Variants in NXN observed in about 807,000 individuals in gnomAD.
The protein encoded by NXN is nucleoredoxin.
Under a neutral mutation model 48.6 loss-of-function variants are expected in NXN, and 16 were observed. The ratio of observed to expected loss-of-function variants is 0.33; its 90% CI spans 0.22 to 0.50. NXN has a LOEUF of 0.50. NXN is among the 20% of genes least tolerant of loss of function. The pLI is 0.98. For synonymous variants in NXN, 281 were observed against 269.6 expected, an observed-to-expected ratio of 1.04 and a Z score of -0.41; for missense variants, 492 against 605.5, an observed-to-expected ratio of 0.81 and a Z score of 1.97.
intron 1 of NXN, among the ~76,000 whole-genome samples, chr17:967,048 C>T (rs999792809): frequency 1.3e-5 from 2 of 152,058 alleles, no homozygotes; most frequent in African/African-American, 2.4e-5. Flanking sequence ...CACACAGAGA[C>T]GGTGACCGTA....
chr17:812,614 G>A lies in NXN; in HGVS notation c.820+6825C>T, dbSNP rs555252627. 4.7e-5 allele frequency among the ~76,000 whole-genome samples: 7 copies of A among 149,372 alleles called. No homozygotes were observed. The East Asian group carries it at 1.2e-3, about 25-fold the overall frequency. ...GTGATGGCGCGAGTGTGCATTGTGTGAGTGTAGGTGAGTGTAGGTGTGTGT... is the reference window on the plus strand; with the variant it reads ...GTGATGGCGCGAGTGTGCATTGTGTAAGTGTAGGTGAGTGTAGGTGTGTGT... On this transcript the variant is annotated intron_variant, in intron 5 of 7. Transcript: ENST00000336868.
intron 1 of NXN, among the ~76,000 whole-genome samples, chr17:903,034 G>C (rs1445155216): frequency 2.7e-5 from 4 of 150,698 alleles, no homozygotes; most frequent in African/African-American, 9.8e-5. Flanking sequence ...GCCTCCCAAA[G>C]AGCTGGAATT....
chr17:852,504 G>A (rs1047961077), intron 1 of NXN, among the ~76,000 whole-genome samples: 10 of 152,152 alleles, frequency 6.6e-5, no homozygotes, highest in Non-Finnish European at 1.3e-4. Flanking sequence ...CCATACTGAC[G>A]TCCAGAAAAT....
chr17:848,699 A>G (rs1397572928), intron 1 of NXN, among the ~76,000 whole-genome samples: 1 of 152,200 alleles, frequency 6.6e-6, no homozygotes, highest in Non-Finnish European at 1.5e-5. Flanking sequence ...AATGCCTCCT[A>G]CTGAGAGACA....
intron 1 of NXN, 49 bp downstream of exon 1, chr17:979,270 T>TAACGGGCGTGGGGGGCGGGCAGGGGC (rs2069505975): frequency 1.1e-6 from 1 of 900,078 alleles, no homozygotes; most frequent in Non-Finnish European, 1.3e-6. Flanking sequence ...CGGGCAGGGG[T>TAACGGGCGTGGGGGGCGGGCAGGGGC]AACGGGCGTG....
At chr17:872,032 G>C (rs1320124094) in intron 1 of NXN, among the ~76,000 whole-genome samples, 1 of 152,126 alleles carries the variant, frequency 6.6e-6, no homozygotes, top group African/African-American at 2.4e-5. Context: ...TGAAAAAGTT[G>C]AGGACTGTGA....
intron 1 of NXN, among the ~76,000 whole-genome samples, chr17:912,318 T>G (rs988803802): frequency 3.9e-5 from 6 of 152,102 alleles, no homozygotes; most frequent in Admixed American, 1.3e-4. Context: ...CCAACGTTGT[T>G]TGAGGGTCAA....
chr17:888,098 C>T (rs2457270), intron 1 of NXN, among the ~76,000 whole-genome samples: 145,061 of 152,256 alleles, frequency 0.95, 69,259 homozygotes, highest in African/African-American at 0.99. Flanking sequence ...ACGGATGGGG[C>T]GCAGGTACCG....
In NXN at chr17:919,339, G is replaced by A. The variant is rs887735731; in HGVS notation, c.360+59980C>T. ...GATTGTGCCACTGTACTCCAGCCTG[G>A]TGACAGAGTGAGACTCTGTCTCAAA... On this transcript the variant is annotated intron_variant, in intron 1 of 7. Transcript: ENST00000336868. This position sits in a 1 kb window ranked among gnomAD's most constrained non-coding sequence, Gnocchi z 5.1. 1.3e-5 allele frequency among the ~76,000 whole-genome samples: 2 copies of A among 151,910 alleles called. No individual in the cohort carries two copies. The highest frequency in any genetic ancestry group is 2.9e-5 in the Non-Finnish European group (2 of 68,000).
chr17:835,120 A>G lies in NXN; in HGVS notation c.361-9042T>C, dbSNP rs189802159. 7.5e-4 allele frequency among the ~76,000 whole-genome samples: 114 copies of G among 151,460 alleles called. 1 individual carries two copies. The highest frequency in any genetic ancestry group is 2.6e-3 in the East Asian group (13 of 4,986). On this transcript the variant is annotated intron_variant, in intron 1 of 7. Coordinates refer to ENST00000336868, the MANE Select transcript of NXN (RefSeq NM_022463.5). ...TCAGGAGATCGAGACCATCCTGGCTAACATGGTGAAACCCTGTCTCTACTA... is the reference window on the plus strand; with the variant it reads ...TCAGGAGATCGAGACCATCCTGGCTGACATGGTGAAACCCTGTCTCTACTA...
intron 1 of NXN, among the ~76,000 whole-genome samples, chr17:853,702 C>CATATATATAT (rs571601948): frequency 3.2e-4 from 38 of 119,296 alleles, no homozygotes; most frequent in South Asian, 1.0e-3. Context: ...CTGTTATACA[C>CATATATATAT]ATATATATAT....
At chr17:966,126 AAAAAG>A (rs1450976385) in intron 1 of NXN, among the ~76,000 whole-genome samples, 5 of 151,946 alleles carry the variant, frequency 3.3e-5, no homozygotes, top group Non-Finnish European at 5.9e-5. Context: ...CAAAAAAAAA[AAAAAG>A]AAAAGAAAAG....
chr17:804,524 G>C (rs1036359455), intron 6 of NXN, among the ~76,000 whole-genome samples: 1 of 152,160 alleles, frequency 6.6e-6, no homozygotes, highest in Non-Finnish European at 1.5e-5. Flanking sequence ...AAGGAACCAG[G>C]GTCATCCCAT....
At chr17:859,297 C>A (rs1048223576) in intron 1 of NXN, among the ~76,000 whole-genome samples, 4 of 152,138 alleles carry the variant, frequency 2.6e-5, no homozygotes, top group African/African-American at 9.7e-5. Context: ...AATAAAGAGT[C>A]GCTCTCTAAA....
At chr17:876,886 A>C (rs919981187) in intron 1 of NXN, among the ~76,000 whole-genome samples, 2 of 152,010 alleles carry the variant, frequency 1.3e-5, no homozygotes, top group Non-Finnish European at 2.9e-5. Context: ...GTCTCTACTA[A>C]AAACACAAAA....
chr17:970,635 T>C (rs1307887555), intron 1 of NXN, among the ~76,000 whole-genome samples: 2 of 152,178 alleles, frequency 1.3e-5, no homozygotes, highest in Admixed American at 1.3e-4. Flanking sequence ...TCCTCCTCCA[T>C]GCGGAACGTT....
At chr17:955,631 T>C (rs568406106) in intron 1 of NXN, among the ~76,000 whole-genome samples, 204 of 149,240 alleles carry the variant, frequency 1.4e-3, no homozygotes, top group Non-Finnish European at 1.7e-3. Context: ...ACGCGGTGGC[T>C]CACGCCTGTA....
At chr17:854,373 G>A (rs2067961435) in intron 1 of NXN, among the ~76,000 whole-genome samples, 1 of 152,088 alleles carries the variant, frequency 6.6e-6, no homozygotes, top group African/African-American at 2.4e-5. Context: ...TTTCAGCCGG[G>A]AGCGGTGGCT....
chr17:963,401 G>A (rs779943348), intron 1 of NXN, among the ~76,000 whole-genome samples: 8 of 151,966 alleles, frequency 5.3e-5, no homozygotes, highest in Non-Finnish European at 1.2e-4. Context: ...CCAGGAGTTC[G>A]AGACCAGCTT....
Sources: allele counts gnomAD v4.1 joint callset (sites outside exome capture counted in the v4.1 genomes callset), GRCh38; gene constraint gnomAD v4.1.1; non-coding constraint Gnocchi (gnomAD v3.1); transcripts MANE v1.5; gene names NCBI Gene and HGNC (gene_info 2026-07-23, HGNC 2026-07-21).